Variants in ZCCHC7 observed in about 807,000 individuals in gnomAD.
ZCCHC7 encodes the protein zinc finger CCHC domain-containing protein 7.
In ZCCHC7, 35 loss-of-function variants were observed where a neutral mutation model predicts 52.0. The ratio of observed to expected loss-of-function variants is 0.67; its 90% CI spans 0.51 to 0.89. The LOEUF is 0.89. Among genes scored for constraint, ZCCHC7 ranks in the 40% least tolerant of loss-of-function variants. ZCCHC7 has a pLI of 0.00. For missense variants in ZCCHC7, 574 were observed against 649.1 expected, an observed-to-expected ratio of 0.88 and a Z score of 1.26; for synonymous variants, 217 against 221.5, an observed-to-expected ratio of 0.98 and a Z score of 0.18.
At chr9:37,268,460 T>C (rs1400237795) in intron 2 of ZCCHC7, among the ~76,000 whole-genome samples, 2 of 150,722 alleles carry the variant, frequency 1.3e-5, no homozygotes, top group African/African-American at 4.9e-5. Context: ...AGAGTCTCGC[T>C]CTGTTGCCCA....
chr9:37,218,022 C>G (rs763133242), intron 2 of ZCCHC7, among the ~76,000 whole-genome samples: 1 of 152,096 alleles, frequency 6.6e-6, no homozygotes. Flanking sequence ...TCTTCTAGTT[C>G]TTTTTGCTGG....
At chr9:37,271,518 T>C (rs1266138027) in intron 2 of ZCCHC7, among the ~76,000 whole-genome samples, 2 of 152,238 alleles carry the variant, frequency 1.3e-5, no homozygotes, top group African/African-American at 4.8e-5. Flanking sequence ...TGTTGGTTTT[T>C]AAATATATGA....
intron 6 of ZCCHC7, among the ~76,000 whole-genome samples, chr9:37,339,081 A>G (rs1483370106): frequency 2.6e-5 from 4 of 152,218 alleles, no homozygotes; most frequent in African/African-American, 7.2e-5. Context: ...TATGGTACAC[A>G]TGGTACTTTT....
chr9:37,315,491 A>G (rs1462642863), intron 5 of ZCCHC7, among the ~76,000 whole-genome samples: 2 of 152,072 alleles, frequency 1.3e-5, no homozygotes, highest in Admixed American at 1.3e-4. Context: ...CAAGCAAATT[A>G]TATAATAATA....
At chr9:37,298,866 C>T (rs908047849) in intron 2 of ZCCHC7, among the ~76,000 whole-genome samples, 3 of 152,088 alleles carry the variant, frequency 2.0e-5, no homozygotes, top group Non-Finnish European at 4.4e-5. Context: ...CTGAATTTAC[C>T]ATAGCATTTG....
At chr9:37,352,423 C>T (rs779013667) in intron 7 of ZCCHC7, among the ~76,000 whole-genome samples, 6 of 151,238 alleles carry the variant, frequency 4.0e-5, no homozygotes, top group Non-Finnish European at 7.4e-5. Context: ...AGGGGGAGCA[C>T]GGGCTGGGAG....
intron 8 of ZCCHC7, among the ~76,000 whole-genome samples, chr9:37,355,517 A>G (rs1201177791): frequency 6.6e-6 from 1 of 152,158 alleles, no homozygotes; most frequent in Non-Finnish European, 1.5e-5. Flanking sequence ...GACCTTTCCA[A>G]AATGAAGGTA....
intron 2 of ZCCHC7, among the ~76,000 whole-genome samples, chr9:37,161,201 C>T (rs1009645282): frequency 5.9e-5 from 9 of 152,002 alleles, no homozygotes; most frequent in Admixed American, 2.6e-4. Flanking sequence ...CCACCTGCCT[C>T]GCCTTCCAAA....
At chr9:37,331,418 T>C (rs1830443953) in intron 6 of ZCCHC7, among the ~76,000 whole-genome samples, 1 of 151,646 alleles carries the variant, frequency 6.6e-6, no homozygotes, top group South Asian at 2.1e-4. Flanking sequence ...TTTCACAGTT[T>C]GGAGTTTTAT....
At chr9:37,317,588 T>A (rs1829877653) in intron 5 of ZCCHC7, among the ~76,000 whole-genome samples, 2 of 152,162 alleles carry the variant, frequency 1.3e-5, no homozygotes, top group Non-Finnish European at 2.9e-5. Context: ...TTTTATTTTT[T>A]AAATTATAGT....
At chr9:37,226,247 C>T (rs1384094709) in intron 2 of ZCCHC7, among the ~76,000 whole-genome samples, 2 of 152,058 alleles carry the variant, frequency 1.3e-5, no homozygotes, top group Non-Finnish European at 1.5e-5. Context: ...ATGTATAACA[C>T]TTTTGCAGTG....
intron 2 of ZCCHC7, among the ~76,000 whole-genome samples, chr9:37,208,323 T>G (rs904334596): frequency 2.0e-5 from 3 of 152,130 alleles, no homozygotes; most frequent in Admixed American, 6.5e-5. Context: ...TGAGCTCAAT[T>G]GATCCACCTG....
At chr9:37,129,900 T>A (rs1842700264) in intron 2 of ZCCHC7, among the ~76,000 whole-genome samples, 1 of 152,130 alleles carries the variant, frequency 6.6e-6, no homozygotes. Context: ...CTATGTAGGG[T>A]ATAAGTAATG....
intron 6 of ZCCHC7, among the ~76,000 whole-genome samples, chr9:37,332,978 T>G (rs2118292293): frequency 6.6e-6 from 1 of 151,742 alleles, no homozygotes; most frequent in African/African-American, 2.4e-5. Context: ...GTGAGAACCT[T>G]AGTATTTTCT....
At chr9:37,196,748 A>T (rs1823308689) in intron 2 of ZCCHC7, among the ~76,000 whole-genome samples, 1 of 152,114 alleles carries the variant, frequency 6.6e-6, no homozygotes, top group Non-Finnish European at 1.5e-5. Context: ...ATATTTGATT[A>T]AAAAGCTTTC....
chr9:37,276,634 T>A (rs1408001648), intron 2 of ZCCHC7, among the ~76,000 whole-genome samples: 1 of 152,190 alleles, frequency 6.6e-6, no homozygotes, highest in Admixed American at 6.5e-5. Flanking sequence ...TTTGGGAAAT[T>A]GGGTAGTATT....
At chr9:37,205,402 G>A (rs1469788323) in intron 2 of ZCCHC7, 2 of 160,154 alleles carry the variant, frequency 1.2e-5, no homozygotes, top group African/African-American at 2.4e-5. Flanking sequence ...AAATGAGAGT[G>A]TCCCACCTGA....
At chr9:37,141,009 T>C (rs994197570) in intron 2 of ZCCHC7, among the ~76,000 whole-genome samples, 1 of 152,042 alleles carries the variant, frequency 6.6e-6, no homozygotes, top group Non-Finnish European at 1.5e-5. Context: ...GCTTATAGTA[T>C]AATGCGCATA....
rs926818660 is a variant in ZCCHC7, at chr9:37,354,212, G to A, written c.1084-498G>A. ...TTAAGAATCACTACCCCTATAAGCA[G>A]TGAATGTTGAGTTAAAATAAGCTTG... On this transcript the variant is annotated intron_variant, in intron 7 of 8. Coordinates refer to ENST00000336755, the MANE Select transcript of ZCCHC7 (RefSeq NM_032226.3). The surrounding 1 kb of genome is among the most constrained non-coding windows in gnomAD (Gnocchi z 4.0). Among the ~76,000 whole-genome samples, 3 of 152,156 alleles carry A rather than the reference G, an allele frequency of 2.0e-5. No homozygotes were observed. Among genetic ancestry groups the A allele is most frequent in the African/African-American group, 7.2e-5 (3 of 41,446 alleles).
Sources: gnomAD v4.1 joint callset for allele counts (sites outside exome capture counted in the v4.1 genomes callset) on GRCh38, gnomAD v4.1.1 for gene constraint, Gnocchi (gnomAD v3.1) non-coding constraint, MANE v1.5 for transcripts, NCBI Gene and HGNC (gene_info 2026-07-23, HGNC 2026-07-21) for gene names.